ATP2B2: variants seen among roughly 807,000 people sequenced by gnomAD.
ATP2B2 encodes ATPase plasma membrane Ca2+ transporting 2.
Under a neutral mutation model 120.0 loss-of-function variants are expected in ATP2B2, and 15 were observed. The ratio of observed to expected loss-of-function variants is 0.12; its 90% CI spans 0.08 to 0.19. ATP2B2 has a LOEUF of 0.19. Ranked by LOEUF, ATP2B2 falls within the 10% of genes least tolerant of loss-of-function variation. ATP2B2 has a pLI of 1.00. For missense variants in ATP2B2, 1,045 were observed against 1,719.8 expected (o/e 0.61, Z 6.94); for synonymous variants, 694 against 700.3 (o/e 0.99, Z 0.14).
intron 1 of ATP2B2, among the ~76,000 whole-genome samples, chr3:10,471,199 AGCGCGCGG>A (rs1288528860): frequency 6.6e-6 from 1 of 152,122 alleles, no homozygotes; most frequent in African/African-American, 2.4e-5. Context: ...CAGTGTCTCC[AGCGCGCGG>A]CTGTGAGGGT....
At chr3:10,649,259 TACTC>T (rs1559503830) in intron 1 of ATP2B2, among the ~76,000 whole-genome samples, 1 of 152,256 alleles carries the variant, frequency 6.6e-6, no homozygotes, top group Non-Finnish European at 1.5e-5. Context: ...CCTTCAGTCA[TACTC>T]ACCACATTTC....
intron 1 of ATP2B2, among the ~76,000 whole-genome samples, chr3:10,628,364 G>C (rs2069766968): frequency 6.6e-6 from 1 of 152,232 alleles, no homozygotes; most frequent in Non-Finnish European, 1.5e-5. Flanking sequence ...GGCCAGACTG[G>C]GTGGTGGACA....
chr3:10,374,266 G>A (rs1358594262), intron 11 of ATP2B2, among the ~76,000 whole-genome samples: 1 of 152,096 alleles, frequency 6.6e-6, no homozygotes, highest in Non-Finnish European at 1.5e-5. Flanking sequence ...CTGGCCCTGG[G>A]TCCCAAAGTA....
intron 2 of ATP2B2, among the ~76,000 whole-genome samples, chr3:10,607,294 A>G (rs544344859): frequency 2.4e-4 from 37 of 152,302 alleles, no homozygotes; most frequent in African/African-American, 8.9e-4. Context: ...CTGCAAAGGA[A>G]GTTGTTTAGT....
intron 1 of ATP2B2, among the ~76,000 whole-genome samples, chr3:10,701,844 C>A (rs954075130): frequency 1.3e-5 from 2 of 152,118 alleles, no homozygotes; most frequent in Admixed American, 1.3e-4. Context: ...TCTTCACACA[C>A]ATCTACTATG....
At chr3:10,438,129 C>A (rs2063537452) in intron 2 of ATP2B2, among the ~76,000 whole-genome samples, 1 of 152,130 alleles carries the variant, frequency 6.6e-6, no homozygotes, top group African/African-American at 2.4e-5. Context: ...TGGGCAAGTC[C>A]CTTCTCTCCT....
intron 13 of ATP2B2, 143 bp downstream of exon 13, chr3:10,359,739 G>T: frequency 8.3e-7 from 1 of 1,200,678 alleles, no homozygotes; most frequent in Non-Finnish European, 1.2e-6. Flanking sequence ...GGCCCTCTGT[G>T]GCTCTGGGTG....
At chr3:10,465,841 T>C (rs536443652) in intron 1 of ATP2B2, among the ~76,000 whole-genome samples, 4 of 152,312 alleles carry the variant, frequency 2.6e-5, no homozygotes, top group African/African-American at 9.6e-5. Flanking sequence ...TGTGCATCTC[T>C]AGTGGCTGAC....
intron 1 of ATP2B2, among the ~76,000 whole-genome samples, chr3:10,645,711 G>A (rs1209976868): frequency 6.6e-6 from 1 of 152,212 alleles, no homozygotes; most frequent in African/African-American, 2.4e-5. Context: ...TAATCATCCT[G>A]TATGATGCCT....
intron 1 of ATP2B2, among the ~76,000 whole-genome samples, chr3:10,488,882 T>C (rs1306506057): frequency 6.6e-6 from 1 of 152,086 alleles, no homozygotes; most frequent in East Asian, 1.9e-4. Flanking sequence ...CAAGTCCCTC[T>C]TCTGCTCACA....
chr3:10,577,852 A>C (rs774708184), intron 2 of ATP2B2, among the ~76,000 whole-genome samples: 1 of 152,224 alleles, frequency 6.6e-6, no homozygotes, highest in Non-Finnish European at 1.5e-5. Flanking sequence ...GAGTCCACAG[A>C]CCAGCAGCCT....
chr3:10,514,005 G>A (rs2066828407), intron 3 of ATP2B2, among the ~76,000 whole-genome samples: 1 of 152,192 alleles, frequency 6.6e-6, no homozygotes, highest in African/African-American at 2.4e-5. Flanking sequence ...TACATGCCAG[G>A]TTCTGTTTGT....
chr3:10,671,952 C>T (rs1025210355), intron 1 of ATP2B2, among the ~76,000 whole-genome samples: 1 of 152,314 alleles, frequency 6.6e-6, no homozygotes, highest in Middle Eastern at 3.4e-3. Flanking sequence ...GTGACTGAGG[C>T]CCCTGCAGTT....
intron 1 of ATP2B2, among the ~76,000 whole-genome samples, chr3:10,698,563 G>C (rs902385189): frequency 2.0e-5 from 3 of 152,162 alleles, no homozygotes; most frequent in African/African-American, 7.2e-5. Context: ...ATCCCTCCTG[G>C]ACCCTGACCA....
chr3:10,697,809 GGA>G (rs2071762150), intron 1 of ATP2B2, among the ~76,000 whole-genome samples: 1 of 152,180 alleles, frequency 6.6e-6, no homozygotes, highest in African/African-American at 2.4e-5. Context: ...AGGGTTTGAT[GGA>G]GAAACATCTA....
intron 2 of ATP2B2, among the ~76,000 whole-genome samples, chr3:10,414,970 C>A (rs1249110600): frequency 6.6e-6 from 1 of 152,204 alleles, no homozygotes; most frequent in Non-Finnish European, 1.5e-5. Flanking sequence ...ACCCTGGGCA[C>A]TGAGGCTCAC....
intron 17 of ATP2B2, 105 bp downstream of exon 17, chr3:10,345,925 CG>C (rs1461752420): frequency 1.7e-6 from 2 of 1,159,494 alleles, no homozygotes; most frequent in Non-Finnish European, 1.2e-6. Flanking sequence ...CGGCAGATGG[CG>C]GGTGGGCCAA....
At chr3:10,572,972 T>A (rs778245344) in intron 2 of ATP2B2, among the ~76,000 whole-genome samples, 45 of 152,186 alleles carry the variant, frequency 3.0e-4, no homozygotes, top group Middle Eastern at 3.2e-3. Context: ...TAATCACTAA[T>A]GATGGAATTT....
At chr3:10,685,204 AG>A (rs2125707527) in intron 1 of ATP2B2, among the ~76,000 whole-genome samples, 1 of 152,340 alleles carries the variant, frequency 6.6e-6, no homozygotes, top group East Asian at 1.9e-4. Context: ...TAAACGGCAA[AG>A]GCCTGAGGCT....
Sources: gnomAD v4.1 joint callset for allele counts (sites outside exome capture counted in the v4.1 genomes callset) on GRCh38, gnomAD v4.1.1 for gene constraint, MANE v1.5 for transcripts, NCBI Gene and HGNC (gene_info 2026-07-23, HGNC 2026-07-21) for gene names.